ADGRL2: variants seen among roughly 807,000 people sequenced by gnomAD.
ADGRL2 encodes the protein adhesion G protein-coupled receptor L2, also known as calcium-independent alpha-latrotoxin receptor 2.
A neutral mutation model predicts 157.4 loss-of-function variants in ADGRL2; 44 were observed. That is an observed-to-expected ratio of 0.28 (90% CI 0.22 to 0.36). The LOEUF (loss-of-function observed/expected upper bound fraction) is 0.36. Ranked by LOEUF, ADGRL2 falls within the 10% of genes least tolerant of loss-of-function variation. ADGRL2 has a pLI of 1.00. For missense variants in ADGRL2, 1,510 were observed against 1,768.9 expected (o/e 0.85, Z 2.63); for synonymous variants, 585 against 624.7 (o/e 0.94, Z 0.95).
chr1:81,401,321 A>G (rs1570857527), intron 1 of ADGRL2, among the ~76,000 whole-genome samples: 1 of 152,042 alleles, frequency 6.6e-6, no homozygotes, highest in East Asian at 1.9e-4. Flanking sequence ...CAGGCAGGGG[A>G]CCCCAGTGTT....
At chr1:81,398,796 T>A (rs977796089) in intron 1 of ADGRL2, among the ~76,000 whole-genome samples, 9 of 152,216 alleles carry the variant, frequency 5.9e-5, no homozygotes, top group African/African-American at 2.2e-4. Flanking sequence ...TTCTTACAGA[T>A]GACTTGACAC....
At chr1:81,544,089 G>A (rs2079955443) in intron 2 of ADGRL2, among the ~76,000 whole-genome samples, 2 of 151,982 alleles carry the variant, frequency 1.3e-5, no homozygotes, top group Admixed American at 1.3e-4. Context: ...GAACCCATCT[G>A]GCAACCCTGA....
intron 2 of ADGRL2, among the ~76,000 whole-genome samples, chr1:81,533,191 C>A (rs1476988209): frequency 6.6e-6 from 1 of 151,948 alleles, no homozygotes; most frequent in African/African-American, 2.4e-5. Flanking sequence ...CCAGCCTGGC[C>A]AATATGGTGA....
At chr1:81,376,303 G>A (rs578111760) in intron 1 of ADGRL2, among the ~76,000 whole-genome samples, 2 of 152,316 alleles carry the variant, frequency 1.3e-5, no homozygotes, top group Non-Finnish European at 2.9e-5. Flanking sequence ...CCAGAGCTGA[G>A]AAGGGAACAG....
chr1:81,769,802 C>A (rs976654988), intron 2 of ADGRL2, among the ~76,000 whole-genome samples: 11 of 151,982 alleles, frequency 7.2e-5, no homozygotes, highest in African/African-American at 2.7e-4. Flanking sequence ...TGTTTCAATA[C>A]AAGCATATGG....
chr1:81,367,490 G>A (rs1222880920), intron 1 of ADGRL2, among the ~76,000 whole-genome samples: 1 of 152,144 alleles, frequency 6.6e-6, no homozygotes, highest in East Asian at 1.9e-4. Context: ...CTGTTCCTGG[G>A]TTAGTTTGCC....
chr1:81,457,657 A>G (rs1316858656), intron 2 of ADGRL2, among the ~76,000 whole-genome samples: 3 of 152,198 alleles, frequency 2.0e-5, no homozygotes, highest in Non-Finnish European at 4.4e-5. Flanking sequence ...CAAAAGTGGG[A>G]ATTGACAAGA....
chr1:81,539,440 TCAC>T (rs1264970417), intron 2 of ADGRL2, among the ~76,000 whole-genome samples: 1 of 152,166 alleles, frequency 6.6e-6, no homozygotes, highest in Non-Finnish European at 1.5e-5. Flanking sequence ...ATCAAACATT[TCAC>T]AACGTTCACA....
intron 17 of ADGRL2, among the ~76,000 whole-genome samples, chr1:81,977,359 G>C (rs1660457343): frequency 6.6e-6 from 1 of 151,904 alleles, no homozygotes; most frequent in South Asian, 2.1e-4. Context: ...TGAACAGTCT[G>C]TTTTTAAAGG....
At chr1:81,348,120 C>A (rs1007487722) in intron 1 of ADGRL2, among the ~76,000 whole-genome samples, 4 of 152,190 alleles carry the variant, frequency 2.6e-5, no homozygotes, top group African/African-American at 9.7e-5. Flanking sequence ...AGCAGAGCTG[C>A]ACTGCAGAGC....
chr1:81,437,869 G>C (rs1464111848), intron 1 of ADGRL2, among the ~76,000 whole-genome samples: 2 of 152,148 alleles, frequency 1.3e-5, no homozygotes, highest in African/African-American at 4.8e-5. Context: ...TTTGATTCGA[G>C]TTATAAACTT....
At chr1:81,918,533 T>A (rs2094910792) in intron 3 of ADGRL2, among the ~76,000 whole-genome samples, 1 of 152,186 alleles carries the variant, frequency 6.6e-6, no homozygotes, top group Non-Finnish European at 1.5e-5. Flanking sequence ...CAATGTACCA[T>A]ACTTTCCCCC....
At chr1:81,858,827 C>T (rs989027464) in intron 2 of ADGRL2, among the ~76,000 whole-genome samples, 8 of 152,032 alleles carry the variant, frequency 5.3e-5, no homozygotes, top group Admixed American at 2.0e-4. Context: ...ATATAAAGTG[C>T]GCCATTTGTA....
At chr1:81,696,128 T>C (rs1307878297), upstream of ADGRL2, among the ~76,000 whole-genome samples, 3 of 152,218 alleles carry the variant, frequency 2.0e-5, no homozygotes, top group East Asian at 1.9e-4. Flanking sequence ...ATAAGTGATA[T>C]ATGTGTTGCT....
chr1:81,685,017 A>G (rs1299822120), intron 3 of ADGRL2, among the ~76,000 whole-genome samples: 1 of 152,110 alleles, frequency 6.6e-6, no homozygotes, highest in Non-Finnish European at 1.5e-5. Flanking sequence ...TACCTGTACC[A>G]TGCTGTTTGG....
intron 3 of ADGRL2, among the ~76,000 whole-genome samples, chr1:81,679,173 T>C (rs1020098194): frequency 6.6e-6 from 1 of 151,868 alleles, no homozygotes; most frequent in African/African-American, 2.4e-5. Context: ...GCAGGCTGGG[T>C]GGACAGGATT....
At chr1:81,389,960 T>G (rs998672127) in intron 1 of ADGRL2, among the ~76,000 whole-genome samples, 7 of 152,292 alleles carry the variant, frequency 4.6e-5, no homozygotes, top group Admixed American at 4.6e-4. Flanking sequence ...GTAGCTTGTT[T>G]AAGCTTGAAT....
At chr1:81,432,668 C>G (rs188916055) in intron 1 of ADGRL2, among the ~76,000 whole-genome samples, 1 of 152,278 alleles carries the variant, frequency 6.6e-6, no homozygotes, top group East Asian at 1.9e-4. Context: ...TCCTGCCCCC[C>G]TCCTCGGCGC....
At chr1:81,718,207 A>T (rs1384088210) in intron 1 of ADGRL2, among the ~76,000 whole-genome samples, 1 of 152,130 alleles carries the variant, frequency 6.6e-6, no homozygotes, top group African/African-American at 2.4e-5. Context: ...TTTAGTAGAG[A>T]CAGGGTTTCA....
Sources: allele counts gnomAD v4.1 joint callset (sites outside exome capture counted in the v4.1 genomes callset), GRCh38; gene constraint gnomAD v4.1.1; transcripts MANE v1.5; gene names NCBI Gene and HGNC (gene_info 2026-07-23, HGNC 2026-07-21).